The following GRK5 variants were observed in gnomAD, a reference collection of about 807,000 sequenced individuals.
GRK5 encodes g protein-coupled receptor kinase GRK5.
A neutral mutation model predicts 78.4 loss-of-function variants in GRK5; 40 were observed. The observed-to-expected ratio is 0.51, with a 90% CI of 0.40 to 0.66. The LOEUF is 0.66. Ranked by LOEUF, GRK5 falls within the 30% of genes least tolerant of loss-of-function variation. The pLI is 0.00. For missense variants in GRK5, 598 were observed against 759.9 expected, an observed-to-expected ratio of 0.79 and a Z score of 2.50; for synonymous variants, 289 against 296.8, an observed-to-expected ratio of 0.97 and a Z score of 0.27.
At chr10:119,425,207 CCCCCTGTTAATTA>C in intron 6 of GRK5, 122 bp downstream of exon 6, 1 of 675,718 alleles carries the variant, frequency 1.5e-6, no homozygotes, top group Admixed American at 2.2e-5. Context: ...TAACCCGACT[CCCCCTGTTAATTA>C]AGTTGTGTAT....
intron 11 of GRK5, among the ~76,000 whole-genome samples, chr10:119,443,015 C>T (rs915670445): frequency 1.3e-5 from 2 of 152,102 alleles, no homozygotes; most frequent in Non-Finnish European, 2.9e-5. Flanking sequence ...CTGTCTGCCC[C>T]GGCTCTTGTG....
intron 11 of GRK5, 60 bp from the exon 12 acceptor site, chr10:119,443,484 G>T: frequency 6.7e-7 from 1 of 1,484,988 alleles, no homozygotes; most frequent in South Asian, 1.2e-5. Flanking sequence ...GGCCTTCTGT[G>T]AGCAGCGCCA....
chr10:119,407,009 C>T (rs1044627075), intron 4 of GRK5, among the ~76,000 whole-genome samples: 2 of 152,220 alleles, frequency 1.3e-5, no homozygotes, highest in Non-Finnish European at 1.5e-5. Flanking sequence ...TCAGGATGGG[C>T]GCCCAGGGAA....
intron 2 of GRK5, chr10:119,333,815 A>G (rs776088730): frequency 1.9e-6 from 1 of 533,150 alleles, no homozygotes; most frequent in South Asian, 1.4e-5. Flanking sequence ...ACCAAGGAGC[A>G]TGGGAGACCA....
intron 4 of GRK5, among the ~76,000 whole-genome samples, chr10:119,413,192 C>A (rs920549842): frequency 6.6e-6 from 1 of 151,988 alleles, no homozygotes; most frequent in African/African-American, 2.4e-5. Context: ...ACTTCTCCCC[C>A]ACCCAGCAAC....
chr10:119,379,688 A>C lies in GRK5; in HGVS notation c.149-1127A>C, dbSNP rs556118978. ...TCGATGGCCTAGTGTTCCGTGCTCC[A>C]GAGAGCCTGAGACAGCATGTTTCAG... On this transcript the variant is annotated intron_variant, in intron 2 of 15. Coordinates refer to ENST00000392870, the MANE Select transcript of GRK5 (RefSeq NM_005308.3). The surrounding 1 kb of genome is among the most constrained non-coding windows in gnomAD (Gnocchi z 4.1). 1.3e-5 allele frequency among the ~76,000 whole-genome samples: 2 copies of C among 152,260 alleles called. No homozygotes were observed. Among genetic ancestry groups the C allele is most frequent in the Non-Finnish European group, 2.9e-5 (2 of 68,010 alleles).
intron 4 of GRK5, among the ~76,000 whole-genome samples, chr10:119,402,132 G>T (rs1450012771): frequency 2.0e-5 from 3 of 152,238 alleles, no homozygotes; most frequent in Non-Finnish European, 4.4e-5. Flanking sequence ...TCCATGGCCA[G>T]TGGGGAGGCT....
In GRK5 at chr10:119,390,922, G is replaced by GGGCGAGCCTGTCCCCTCCCTCTGAGAGA. The variant is rs879720016; in HGVS notation, c.262-5754_262-5727dup. ...GGGTGCTTATCACTTCCCCTGAGAT[G>GGGCGAGCCTGTCCCCTCCCTCTGAGAGA]GGCGAGCCTGTCCCCTCCCTCTGAG... On this transcript the variant is annotated intron_variant, in intron 3 of 15. Transcript: ENST00000392870. Among the ~76,000 whole-genome samples, 728 of 152,190 alleles carry GGGCGAGCCTGTCCCCTCCCTCTGAGAGA rather than the reference G, an allele frequency of 4.8e-3. 2 individuals are homozygous for GGGCGAGCCTGTCCCCTCCCTCTGAGAGA. Among genetic ancestry groups the GGGCGAGCCTGTCCCCTCCCTCTGAGAGA allele is most frequent in the Non-Finnish European group, 8.2e-3 (559 of 67,978 alleles).
Position 119,457,606 on chromosome 10 carries a change from G to A in GRK5, c.*2539G>A, listed in dbSNP as rs1459856655. 2.0e-5 allele frequency: 3 copies of A among 151,764 alleles called. No homozygotes were observed. The highest frequency in any genetic ancestry group is 2.1e-4 in the South Asian group (1 of 4,808). 9.4% of individuals were successfully genotyped at this position (151,764 alleles called of 1,614,324 possible). ...TCTTTAGAACAGCGCCTGGGAATCA[G>A]CCCTTCTCCCTACTGAGTCCCCAGT... On this transcript the variant is annotated 3_prime_UTR_variant, in exon 16 of 16. Transcript: ENST00000392870.
At chr10:119,312,041 T>C (rs1420717730) in intron 1 of GRK5, among the ~76,000 whole-genome samples, 1 of 150,984 alleles carries the variant, frequency 6.6e-6, no homozygotes, top group Non-Finnish European at 1.5e-5. Flanking sequence ...CTCAGCCTCC[T>C]GAGTAGCTGG....
chr10:119,326,585 A>T lies in GRK5; in HGVS notation c.122A>T (p.Gln41Leu), dbSNP rs2230345. Residue 41 changes from glutamine to leucine, a missense_variant, in exon 2 of 16, where the codon CAG becomes CTG. By Grantham distance (113) the Gln-to-Leu change is moderately radical. Transcript: ENST00000392870. ...KEILKFPHIS[Q>L]CEDLRRTIDR... Reference sequence around the variant, plus strand: ...ATCCTGAAGTTCCCTCACATTAGCCAGTGTGAAGACCTCCGAAGGACCATA... The same window carrying T: ...ATCCTGAAGTTCCCTCACATTAGCCTGTGTGAAGACCTCCGAAGGACCATA... 46,035 of 1,613,872 alleles carry T rather than the reference A, an allele frequency of 0.029. 3,290 individuals are homozygous for T. Among genetic ancestry groups the T allele is most frequent in the African/African-American group, 0.27 (20,082 of 74,972 alleles).
At chr10:119,211,428 C>T (rs1159307845) in intron 1 of GRK5, 8 of 152,094 alleles carry the variant, frequency 5.3e-5, no homozygotes, top group African/African-American at 1.4e-4. Context: ...TTGTGTGTTT[C>T]TTTTTGGTTT....
rs151127620 is a variant in GRK5, at chr10:119,258,103, C to T, written c.52+50134C>T. 2.1e-3 allele frequency among the ~76,000 whole-genome samples: 327 copies of T among 152,302 alleles called. 3 individuals carry two copies. Among genetic ancestry groups the T allele is most frequent in the African/African-American group, 7.6e-3 (317 of 41,562 alleles). On this transcript the variant is annotated intron_variant, in intron 1 of 15. Coordinates refer to ENST00000392870, the MANE Select transcript of GRK5 (RefSeq NM_005308.3). ...CTTTCATCACCCCCTGAAACTCCCC[C>T]AGACTCCCTTGTAGTTACCTCCTAC...
At chr10:119,291,525 TTCCTCCTCCTCCTCTTCCTCCTCCTCC>T (rs1803468300) in intron 1 of GRK5, among the ~76,000 whole-genome samples, 1 of 120,624 alleles carries the variant, frequency 8.3e-6, no homozygotes, top group African/African-American at 3.6e-5. Flanking sequence ...CCTCCTCCTC[TTCCTCCTCCTCCTCTTCCTCCTCCTCC>T]TCTTCCTCCT....
At chr10:119,266,555 C>T (rs1262373349) in intron 1 of GRK5, among the ~76,000 whole-genome samples, 1 of 152,024 alleles carries the variant, frequency 6.6e-6, no homozygotes, top group East Asian at 1.9e-4. Context: ...CCCTTCATAA[C>T]TTGGGTGTTT....
At chr10:119,227,485 G>T (rs945744370) in intron 1 of GRK5, among the ~76,000 whole-genome samples, 5 of 152,084 alleles carry the variant, frequency 3.3e-5, no homozygotes, top group Admixed American at 2.6e-4. Flanking sequence ...CAAGAGAATC[G>T]CTTGAACCCG....
intron 1 of GRK5, among the ~76,000 whole-genome samples, chr10:119,231,904 G>A (rs1037383683): frequency 2.6e-5 from 4 of 152,218 alleles, no homozygotes; most frequent in Middle Eastern, 3.4e-3. Flanking sequence ...GTACAGCCAC[G>A]ATGGAGAACA....
intron 2 of GRK5, among the ~76,000 whole-genome samples, chr10:119,350,830 G>A (rs1450451820): frequency 6.6e-6 from 1 of 152,230 alleles, no homozygotes; most frequent in Non-Finnish European, 1.5e-5. Flanking sequence ...GATAGAACAT[G>A]CACGCAGCAC....
chr10:119,413,140 C>G (rs1320189980), intron 4 of GRK5, among the ~76,000 whole-genome samples: 1 of 152,072 alleles, frequency 6.6e-6, no homozygotes, highest in Non-Finnish European at 1.5e-5. Context: ...AACCATGAGA[C>G]CGACACGGCG....
Sources: gnomAD v4.1 joint callset for allele counts (sites outside exome capture counted in the v4.1 genomes callset) on GRCh38, gnomAD v4.1.1 for gene constraint, Gnocchi (gnomAD v3.1) non-coding constraint, MANE v1.5 for transcripts, NCBI Gene and HGNC (gene_info 2026-07-23, HGNC 2026-07-21) for gene names.